The following CDH23 variants were observed in gnomAD, a reference collection of about 807,000 sequenced individuals.
The protein encoded by CDH23 is cadherin related 23.
CDH23 carries 189 observed loss-of-function variants against 317.1 expected under a neutral mutation model. That is an observed-to-expected ratio of 0.60 (90% CI 0.53 to 0.67). CDH23 has a LOEUF of 0.67. CDH23 is among the 30% of genes least tolerant of loss of function. The pLI is 0.00. For synonymous variants in CDH23, 1,839 were observed against 1,876.8 expected (o/e 0.98, Z 0.52); for missense variants, 4,401 against 4,592.4 (o/e 0.96, Z 1.20).
chr10:71,566,315 C>T (rs959454009), intron 6 of CDH23, among the ~76,000 whole-genome samples: 3 of 152,058 alleles, frequency 2.0e-5, no homozygotes, highest in Admixed American at 6.5e-5. Flanking sequence ...CCAGGGGCCC[C>T]GTAAAGAGCA....
intron 38 of CDH23, among the ~76,000 whole-genome samples, chr10:71,770,403 G>A (rs962929390): frequency 1.3e-5 from 2 of 152,220 alleles, no homozygotes; most frequent in Non-Finnish European, 2.9e-5. Context: ...AGGTCTGAGT[G>A]ACTCACAAAG....
intron 9 of CDH23, among the ~76,000 whole-genome samples, chr10:71,605,193 G>A (rs1860458310): frequency 6.6e-6 from 1 of 151,860 alleles, no homozygotes; most frequent in Non-Finnish European, 1.5e-5. Flanking sequence ...GTCACCACTA[G>A]GAAGTTGTAG....
At chr10:71,459,217 A>G (rs892214450) in intron 3 of CDH23, among the ~76,000 whole-genome samples, 1 of 146,344 alleles carries the variant, frequency 6.8e-6, no homozygotes, top group Non-Finnish European at 1.5e-5. Context: ...CCTCCCAAGT[A>G]GCTGGGACCA....
At chr10:71,717,796 T>C (rs117569830) in intron 28 of CDH23, 2 of 152,310 alleles carry the variant, frequency 1.3e-5, no homozygotes, top group Non-Finnish European at 2.9e-5. Flanking sequence ...AAGGCAAACA[T>C]TCTAGACGTT....
At position 71,713,247 on chromosome 10, in the gene CDH23, G is replaced by A. The variant is rs779863372; in HGVS notation, c.3369+434G>A. The A allele has an allele frequency of 7.7e-6, 6 of 779,268 alleles. No individual in the cohort carries two copies. The Admixed American group carries it at 8.5e-5, about 11-fold the overall frequency. 48.3% of individuals were successfully genotyped at this position (779,268 alleles called of 1,614,324 possible). ...CTTGGGAAGTAAACAGGCACAAGAA[G>A]AAAGGGCTCCTTTGCCCAGGGAGCA... On this transcript the variant is annotated intron_variant, in intron 28 of 69. Coordinates refer to ENST00000224721, the MANE Select transcript of CDH23 (RefSeq NM_022124.6).
chr10:71,623,338 C>A (rs1861558679), intron 11 of CDH23, among the ~76,000 whole-genome samples: 1 of 152,132 alleles, frequency 6.6e-6, no homozygotes, highest in Non-Finnish European at 1.5e-5. Flanking sequence ...GCAGAGATCC[C>A]CAAAAGGGAA....
chr10:71,802,379 A>G (rs1841580084), intron 53 of CDH23, among the ~76,000 whole-genome samples: 1 of 152,208 alleles, frequency 6.6e-6, no homozygotes, highest in South Asian at 2.1e-4. Context: ...CCCAGCAGCC[A>G]GGGAACAAAG....
chr10:71,636,144 G>C (rs1862262079), intron 11 of CDH23, among the ~76,000 whole-genome samples: 2 of 152,062 alleles, frequency 1.3e-5, no homozygotes, highest in South Asian at 4.1e-4. Flanking sequence ...GGAGTCACAA[G>C]AGGAGGCGAG....
Position 71,741,873 on chromosome 10 carries a change from C to G in CDH23, c.4797C>G (p.Phe1599Leu), listed in dbSNP as rs1470816023. The G allele has an allele frequency of 1.2e-6, 2 of 1,610,126 alleles. No individual in the cohort carries two copies. The highest frequency in any genetic ancestry group is 1.7e-5 in the Admixed American group (1 of 59,644). The part of the protein sequence containing the change: ...PAPPDRERQS[F>L]YHLVATVEDE... ...CGCCTGACCGCGAGCGCCAGAGCTT[C>G]TACCACCTGGTGGCCACTGTGGAGG... The change falls in exon 38 of 70, where the codon TTC (phenylalanine) becomes TTG (leucine). Residue 1599 changes from phenylalanine (F) to leucine (L), a missense_variant. By Grantham distance (22) the Phe-to-Leu change is conservative (BLOSUM62 0). This residue lies in a region of CDH23 where 3,068 missense variants were observed against 3,203.3 expected (regional missense o/e 0.96). Transcript: ENST00000224721.
At chr10:71,515,376 TCTCTCTCTCTCTCTCTCTCA>T (rs1262538730) in intron 6 of CDH23, among the ~76,000 whole-genome samples, 4 of 114,604 alleles carry the variant, frequency 3.5e-5, no homozygotes, top group South Asian at 2.8e-4. Context: ...TCTCTCTCTC[TCTCTCTCTCTCTCTCTCTCA>T]CACACACACA....
chr10:71,670,397 C>T (rs535501793), intron 14 of CDH23, among the ~76,000 whole-genome samples: 3 of 152,220 alleles, frequency 2.0e-5, no homozygotes, highest in Non-Finnish European at 4.4e-5. Context: ...GTTAGACAAA[C>T]TTCTCTCCTT....
chr10:71,747,752 A>T (rs1174009315), intron 38 of CDH23: 1 of 152,298 alleles, frequency 6.6e-6, no homozygotes, highest in Non-Finnish European at 1.5e-5. Flanking sequence ...AAGAAACAGC[A>T]TGCATGCTGC....
intron 30 of CDH23, among the ~76,000 whole-genome samples, chr10:71,728,556 G>A (rs935537189): frequency 3.3e-5 from 5 of 152,204 alleles, no homozygotes; most frequent in African/African-American, 1.2e-4. Context: ...CCCAGAGGCA[G>A]TGACCAGATG....
At chr10:71,720,342 G>A (rs550193474) in intron 28 of CDH23, among the ~76,000 whole-genome samples, 188 of 152,094 alleles carry the variant, frequency 1.2e-3, no homozygotes, top group Non-Finnish European at 2.1e-3. Flanking sequence ...AGAAAGCATA[G>A]GACTGACGGA....
chr10:71,793,877 C>T (rs897216538), intron 48 of CDH23, among the ~76,000 whole-genome samples: 4 of 152,192 alleles, frequency 2.6e-5, no homozygotes, highest in East Asian at 3.8e-4. Flanking sequence ...CTGATTCCCT[C>T]GCCCTACCAG....
At chr10:71,754,974 TCCCAACAA>T in intron 38 of CDH23, 1 of 419,898 alleles carries the variant, frequency 2.4e-6, no homozygotes, top group Non-Finnish European at 4.9e-6. Context: ...TCATTTTTTG[TCCCAACAA>T]TTGCTACTAA....
At chr10:71,806,559 A>G (rs1361384631) in intron 57 of CDH23, among the ~76,000 whole-genome samples, 1 of 149,582 alleles carries the variant, frequency 6.7e-6, no homozygotes, top group Admixed American at 6.7e-5. Context: ...CACACACACA[A>G]AGCATGAAAA....
intron 14 of CDH23, among the ~76,000 whole-genome samples, chr10:71,671,124 TA>T (rs1864128707): frequency 6.6e-6 from 1 of 151,788 alleles, no homozygotes; most frequent in Non-Finnish European, 1.5e-5. Context: ...CATGCCTGGC[TA>T]ATTTTTCTAT....
At chr10:71,588,953 G>A (rs751859413) in intron 9 of CDH23, among the ~76,000 whole-genome samples, 3 of 152,124 alleles carry the variant, frequency 2.0e-5, no homozygotes, top group Non-Finnish European at 4.4e-5. Context: ...TGGGATCTGG[G>A]TCCCATAGCT....
Sources: allele counts gnomAD v4.1 joint callset (sites outside exome capture counted in the v4.1 genomes callset), GRCh38; gene constraint gnomAD v4.1.1; regional missense constraint gnomAD v4.1.1; transcripts MANE v1.5; gene names NCBI Gene and HGNC (gene_info 2026-07-23, HGNC 2026-07-21).